Variants in RBM47 observed in about 807,000 individuals in gnomAD.
RBM47 encodes RNA-binding protein 47.
A neutral mutation model predicts 47.1 loss-of-function variants in RBM47; 21 were observed. The observed-to-expected ratio is 0.45, with a 90% CI of 0.32 to 0.64. RBM47 has a LOEUF of 0.64. Ranked by LOEUF, RBM47 falls within the 30% of genes least tolerant of loss-of-function variation. The pLI is 0.05. For missense variants in RBM47, 708 were observed against 870.9 expected (o/e 0.81, Z 2.35); for synonymous variants, 375 against 361.7 (o/e 1.04, Z -0.42).
Position 40,438,117 on chromosome 4 carries a change from C to T in RBM47, c.777G>A (p.Glu259=). The change falls in exon 4 of 7, where the codon GAG becomes GAA. Residue 259 remains glutamate, a synonymous_variant. Coordinates refer to ENST00000295971, the MANE Select transcript of RBM47 (RefSeq NM_001098634.2). ...YVRNLMIETT[E]DTIKKSFGQF... Reference sequence around the variant, plus strand: ...GGCCGAAGCTCTTCTTGATGGTGTCCTCGGTGGTCTCGATCATGAGGTTGC... The same window carrying T: ...GGCCGAAGCTCTTCTTGATGGTGTCTTCGGTGGTCTCGATCATGAGGTTGC... 6.2e-7 allele frequency: 1 copy of T among 1,613,468 alleles called. No individual in the cohort carries two copies. Among genetic ancestry groups the T allele is most frequent in the Non-Finnish European group, 8.5e-7 (1 of 1,180,016 alleles).
At chr4:40,464,916 A>AG in intron 3 of RBM47, among the ~76,000 whole-genome samples, 1 of 143,274 alleles carries the variant, frequency 7.0e-6, no homozygotes, top group East Asian at 2.1e-4. Flanking sequence ...AAAAAAAAAA[A>AG]GGAAAAGAAA....
At chr4:40,434,685 G>A (rs1712021099) in intron 5 of RBM47, among the ~76,000 whole-genome samples, 1 of 114,010 alleles carries the variant, frequency 8.8e-6, no homozygotes. Context: ...TGCAGAAATT[G>A]CAGAATTTTT....
chr4:40,442,348 A>G (rs550084780), intron 3 of RBM47, among the ~76,000 whole-genome samples: 1 of 152,352 alleles, frequency 6.6e-6, no homozygotes, highest in South Asian at 2.1e-4. Context: ...GATAGTTATT[A>G]TAAAAACAAC....
intron 1 of RBM47, among the ~76,000 whole-genome samples, chr4:40,606,007 G>T (rs1341995377): frequency 6.6e-6 from 1 of 151,492 alleles, no homozygotes; most frequent in East Asian, 1.9e-4. Context: ...AGACCAGCCT[G>T]GCCACCACGG....
At chr4:40,435,523 G>A (rs923996413) in intron 5 of RBM47, among the ~76,000 whole-genome samples, 6 of 152,076 alleles carry the variant, frequency 3.9e-5, no homozygotes, top group Non-Finnish European at 8.8e-5. Context: ...ACTCCAGCCC[G>A]GGTGACACAG....
rs544850769 is a variant in RBM47 at position 40,577,539 on chromosome 4, T to TA, written c.-239-33034dup. ...AATGGGTACCTGGTTAGATTCTGTT[T>TA]AAAAAAAAAAAAAAGGATGTTCCTC... On this transcript the variant is annotated intron_variant, in intron 1 of 6. Coordinates refer to ENST00000295971, the MANE Select transcript of RBM47 (RefSeq NM_001098634.2). Among the ~76,000 whole-genome samples, 297 of 140,400 alleles carry TA rather than the reference T, an allele frequency of 2.1e-3. 2 individuals are homozygous for TA. The South Asian group carries it at 0.029, about 14-fold the overall frequency. 92.1% of individuals were successfully genotyped at this position (140,400 alleles called of 152,430 possible).
intron 1 of RBM47, among the ~76,000 whole-genome samples, chr4:40,583,397 A>G (rs1179288808): frequency 3.8e-5 from 5 of 132,996 alleles, no homozygotes; most frequent in South Asian, 2.6e-4. Context: ...AGAAAAAAAA[A>G]AAAAAAAAAA....
rs779921202 is a variant in RBM47 at position 40,438,848 on chromosome 4, C to A, written c.46G>T (p.Ala16Ser). ...TCGGGCACCTTGGCGGAGGACCCGG[C>A]GGCCGAGTCACTGCTCATGGCTGCG... is the stretch of plus-strand genomic sequence containing the variant. ...STAAMSSDSA[A>S]GSSAKVPEGV... is the part of the protein sequence containing the mutation. The change falls in exon 4 of 7, where the codon GCC (alanine) becomes TCC (serine). Residue 16 changes from alanine (A) to serine (S), a missense_variant. Transcript: ENST00000295971. 7.1e-6 allele frequency: 11 copies of A among 1,558,558 alleles called. No individual in the cohort carries two copies. Among genetic ancestry groups the A allele is most frequent in the Admixed American group, 3.8e-5 (2 of 53,300 alleles).
intron 1 of RBM47, among the ~76,000 whole-genome samples, chr4:40,552,897 C>G (rs2154264545): frequency 6.6e-6 from 1 of 152,330 alleles, no homozygotes; most frequent in Admixed American, 6.5e-5. Context: ...CTAGCTCTCT[C>G]CCTGACTGAA....
At chr4:40,597,121 G>A (rs1015712762) in intron 1 of RBM47, among the ~76,000 whole-genome samples, 4 of 152,090 alleles carry the variant, frequency 2.6e-5, no homozygotes, top group African/African-American at 9.7e-5. Flanking sequence ...TTAGCTGGCC[G>A]TGGTGGCACG....
intron 1 of RBM47, among the ~76,000 whole-genome samples, chr4:40,595,767 T>G (rs546440982): frequency 1.3e-5 from 2 of 151,926 alleles, no homozygotes; most frequent in Middle Eastern, 3.2e-3. Context: ...TAGCCAGGCA[T>G]GGTGGCGTGT....
chr4:40,489,114 C>T (rs1207572936), intron 2 of RBM47, among the ~76,000 whole-genome samples: 2 of 152,138 alleles, frequency 1.3e-5, no homozygotes, highest in Non-Finnish European at 1.5e-5. Context: ...TATTCAGTTG[C>T]CCTGTAACTC....
chr4:40,589,307 T>G (rs1454090262), intron 1 of RBM47, among the ~76,000 whole-genome samples: 1 of 152,230 alleles, frequency 6.6e-6, no homozygotes, highest in Non-Finnish European at 1.5e-5. Flanking sequence ...GTTCTAAACT[T>G]ACTGTGTAAA....
At chr4:40,621,843 G>A (rs377105575) in intron 1 of RBM47, among the ~76,000 whole-genome samples, 1 of 152,206 alleles carries the variant, frequency 6.6e-6, no homozygotes, top group Non-Finnish European at 1.5e-5. Context: ...GTGCTGAAAC[G>A]ATTGCGACAT....
chr4:40,438,465 G>C lies in RBM47; in HGVS notation c.429C>G (p.Gly143=). 2 of 1,613,544 alleles carry C rather than the reference G, an allele frequency of 1.2e-6. No homozygotes were observed. Among genetic ancestry groups the C allele is most frequent in the Non-Finnish European group, 1.7e-6 (2 of 1,179,954 alleles). The part of the protein sequence containing the change: ...NYEIRPGRLL[G]VCCSVDNCRL... Reference sequence around the variant, plus strand: ...GGCAGTTGTCCACGCTGCAGCACACGCCGAGCAGGCGGCCCGGGCGGATCT... The same window carrying C: ...GGCAGTTGTCCACGCTGCAGCACACCCCGAGCAGGCGGCCCGGGCGGATCT... Residue 143 remains glycine (G), a synonymous_variant, in exon 4 of 7, where the codon GGC becomes GGG. Coordinates refer to ENST00000295971, the MANE Select transcript of RBM47 (RefSeq NM_001098634.2).
chr4:40,609,662 A>G lies in RBM47; in HGVS notation c.-240+19734T>C, dbSNP rs114027229. ...TTCCATTTTTCTCTGCTTTCTATAA[A>G]TTATATGCTTTGCGCATGAGACAAA... On this transcript the variant is annotated intron_variant, in intron 1 of 6. Coordinates refer to ENST00000295971, the MANE Select transcript of RBM47 (RefSeq NM_001098634.2). 6.6e-3 allele frequency among the ~76,000 whole-genome samples: 1,008 copies of G among 152,062 alleles called. 11 individuals carry two copies. The highest frequency in any genetic ancestry group is 0.021 in the African/African-American group (856 of 41,458).
At chr4:40,510,184 T>C (rs1168641522) in intron 2 of RBM47, among the ~76,000 whole-genome samples, 2 of 63,228 alleles carry the variant, frequency 3.2e-5, no homozygotes, top group African/African-American at 1.4e-4. Context: ...TGAAACTCCA[T>C]CTCAAAAAAA....
chr4:40,586,149 C>T (rs1733560571), intron 1 of RBM47, among the ~76,000 whole-genome samples: 1 of 152,194 alleles, frequency 6.6e-6, no homozygotes, highest in South Asian at 2.1e-4. Flanking sequence ...CCCCCACCCT[C>T]ACCACACCCC....
chr4:40,582,207 C>T (rs761289621), intron 1 of RBM47, among the ~76,000 whole-genome samples: 1 of 152,200 alleles, frequency 6.6e-6, no homozygotes, highest in Non-Finnish European at 1.5e-5. Context: ...CCATTCCTAA[C>T]TCTAGTCCTT....
Sources: allele counts gnomAD v4.1 joint callset (sites outside exome capture counted in the v4.1 genomes callset), GRCh38; gene constraint gnomAD v4.1.1; transcripts MANE v1.5; gene names NCBI Gene and HGNC (gene_info 2026-07-23, HGNC 2026-07-21).